The following INTS7 variants were observed in gnomAD, a reference collection of about 807,000 sequenced individuals.
The protein encoded by INTS7 is integrator complex subunit 7, also known as chromosome 1 open reading frame 73.
A neutral mutation model predicts 109.2 loss-of-function variants in INTS7; 46 were observed. The observed-to-expected ratio is 0.42, with a 90% confidence interval of 0.33 to 0.54. INTS7 has a LOEUF of 0.54. Among genes scored for constraint, INTS7 ranks in the 20% least tolerant of loss-of-function variants. The pLI is 0.07. For synonymous variants in INTS7, 412 were observed against 402.9 expected, an observed-to-expected ratio of 1.02 and a Z score of -0.27; for missense variants, 929 against 1,132.4, an observed-to-expected ratio of 0.82 and a Z score of 2.58.
intron 8 of INTS7, among the ~76,000 whole-genome samples, chr1:211,984,455 ATC>A (rs963155468): frequency 7.7e-4 from 117 of 152,242 alleles, no homozygotes; most frequent in African/African-American, 2.7e-3. Flanking sequence ...TTTCTTTTAA[ATC>A]TTTTTCCCCC....
intron 3 of INTS7, among the ~76,000 whole-genome samples, chr1:212,017,849 A>G (rs1051991814): frequency 4.6e-5 from 7 of 152,348 alleles, no homozygotes; most frequent in African/African-American, 1.4e-4. Context: ...ACTGTTAAAA[A>G]TAAGTAATAC....
intron 1 of INTS7, among the ~76,000 whole-genome samples, chr1:212,029,769 C>T (rs1481067814): frequency 6.6e-6 from 1 of 152,100 alleles, no homozygotes; most frequent in East Asian, 1.9e-4. Context: ...AAAATTGAAC[C>T]ATAACACGAA....
chr1:211,952,657 T>A lies in INTS7; in HGVS notation c.2228A>T (p.Glu743Val). 2 of 1,612,996 alleles carry A rather than the reference T, an allele frequency of 1.2e-6. No individual in the cohort carries two copies. Among genetic ancestry groups the A allele is most frequent in the South Asian group, 2.2e-5 (2 of 91,044 alleles). ...GSTGTAHADS[E>V]YERRMMSVYN... ...TACAGACATCATTCTTCTTTCATAT[T>A]CACTATCAGCATGGGCTGTTCCAGT... The change falls in exon 17 of 20, where the codon GAA (glutamate) becomes GTA (valine). Residue 743 changes from glutamate (E) to valine (V), a missense_variant. By Grantham distance (121) the Glu-to-Val change is moderately radical. Around this residue, in one of 2 missense-constraint regions of INTS7, gnomAD observed 787 missense variants for 901.1 expected, o/e 0.87. Transcript: ENST00000366994.
chr1:212,008,167 G>A (rs557404650), intron 5 of INTS7, among the ~76,000 whole-genome samples: 12 of 152,240 alleles, frequency 7.9e-5, no homozygotes, highest in African/African-American at 1.4e-4. Context: ...GCATTTCAAC[G>A]TCCAACAGTT....
intron 1 of INTS7, among the ~76,000 whole-genome samples, chr1:212,024,450 T>C (rs1666835045): frequency 6.6e-6 from 1 of 152,216 alleles, no homozygotes; most frequent in South Asian, 2.1e-4. Context: ...AGGCATTTTA[T>C]TTTTTGTTTG....
intron 1 of INTS7, among the ~76,000 whole-genome samples, chr1:212,024,265 A>T (rs1032602210): frequency 6.6e-6 from 1 of 151,634 alleles, no homozygotes; most frequent in Non-Finnish European, 1.5e-5. Flanking sequence ...TGATAGTTTG[A>T]TAGTAATAGC....
chr1:212,032,495 TC>T (rs1667213538), intron 1 of INTS7, among the ~76,000 whole-genome samples: 1 of 151,918 alleles, frequency 6.6e-6, no homozygotes, highest in African/African-American at 2.4e-5. Flanking sequence ...TTTTTTTTTT[TC>T]GAGACAGTCT....
chr1:211,958,991 G>A (rs925960851), intron 16 of INTS7, among the ~76,000 whole-genome samples: 5 of 152,182 alleles, frequency 3.3e-5, no homozygotes, highest in Non-Finnish European at 7.3e-5. Context: ...AGGGACCCCT[G>A]CATGGGGATA....
rs1035995320 is a variant in INTS7, at chr1:212,002,620, C to A, written c.879+4019G>T. On this transcript the variant is annotated intron_variant, in intron 7 of 19. Coordinates refer to ENST00000366994, the MANE Select transcript of INTS7 (RefSeq NM_015434.4). ...CCTGATAATACCCTTCCTTTAGGGG[C>A]CCACAAAATTGACATTCCCTTCTTT... 9.9e-5 allele frequency among the ~76,000 whole-genome samples: 15 copies of A among 152,194 alleles called. No homozygotes were observed. In the East Asian group the frequency reaches 1.2e-3, roughly 12 times the overall value.
At chr1:212,020,975 G>T (rs938713584) in intron 2 of INTS7, 108 bp downstream of exon 2, 6 of 1,006,738 alleles carry the variant, frequency 6.0e-6, no homozygotes, top group Middle Eastern at 5.3e-4. Flanking sequence ...TCCACTAATG[G>T]TAACTAACCA....
In INTS7 at chr1:211,959,029, T is replaced by A. The variant is rs1663491272; in HGVS notation, c.2184-6328A>T. Among the ~76,000 whole-genome samples, 1 of 152,102 alleles carries A rather than the reference T, an allele frequency of 6.6e-6. No homozygotes were observed. Among genetic ancestry groups the A allele is most frequent in the Non-Finnish European group, 1.5e-5 (1 of 67,996 alleles). On this transcript the variant is annotated intron_variant, in intron 16 of 19. Transcript: ENST00000366994. The surrounding 1 kb of genome is among the most constrained non-coding windows in gnomAD (Gnocchi z 4.2). ...GCACCGGGGGAACAGTGACTTGAAC[T>A]GGCAAAAAAACAACCAGCTACTGCC...
At chr1:211,988,163 T>C (rs554957002) in intron 7 of INTS7, among the ~76,000 whole-genome samples, 160 bp from the exon 8 acceptor site, 13 of 152,234 alleles carry the variant, frequency 8.5e-5, no homozygotes, top group Middle Eastern at 6.8e-3. Context: ...TGGCTCATTC[T>C]GGTAATCCCA....
At position 211,946,617 on chromosome 1, in the gene INTS7, G is replaced by T. The variant is rs776094808; in HGVS notation, c.2405C>A (p.Thr802Asn). 1.3e-6 allele frequency: 2 copies of T among 1,597,760 alleles called. No homozygotes were observed. Among genetic ancestry groups the T allele is most frequent in the South Asian group, 2.2e-5 (2 of 90,650 alleles). The change falls in exon 18 of 20, where the codon ACC (threonine) becomes AAC (asparagine). Residue 802 changes from threonine (T) to asparagine (N), a missense_variant. Physicochemically the swap from Thr to Asn is moderately conservative, Grantham distance 65. Transcript: ENST00000366994. The surrounding 1 kb of genome is among the most constrained non-coding windows in gnomAD (Gnocchi z 4.3). ...TTCTTCCTGTATTACCTTGATGCTG[G>T]TAGACTGTAGTTTCTGGAAAAAATA... ...QRYFFQKLQS[T>N]SIKLALSPSP...
intron 7 of INTS7, among the ~76,000 whole-genome samples, chr1:211,997,094 G>T (rs1665431505): frequency 6.6e-6 from 1 of 152,022 alleles, no homozygotes; most frequent in Non-Finnish European, 1.5e-5. Context: ...TGGGTACAGT[G>T]TATAGTGCTT....
At position 212,006,657 on chromosome 1, in the gene INTS7, C is replaced by T. The variant is rs1254712815; in HGVS notation, c.861G>A (p.Trp287Ter). ...TACATACCTGAATATTCTCCCTACTCCAAGTATGTGGTGTTTTATTAGCAA... is the reference window on the plus strand; with the variant it reads ...TACATACCTGAATATTCTCCCTACTTCAAGTATGTGGTGTTTTATTAGCAA... The part of the protein sequence containing the change: ...KLLANKTPHT[W>*]SRENIQALCE... The change falls in exon 7 of 20, where the codon TGG becomes TGA. Residue 287 changes from tryptophan to a stop codon, truncating the protein, a stop_gained. Coordinates refer to ENST00000366994, the MANE Select transcript of INTS7 (RefSeq NM_015434.4). LOFTEE classifies it high-confidence loss of function. 6.4e-7 allele frequency: 1 copy of T among 1,558,244 alleles called. No homozygotes were observed. The highest frequency in any genetic ancestry group is 1.7e-5 in the Admixed American group (1 of 59,102).
At chr1:211,952,244 G>C (rs145507877) in intron 17 of INTS7, among the ~76,000 whole-genome samples, 12 of 152,250 alleles carry the variant, frequency 7.9e-5, no homozygotes, top group African/African-American at 2.9e-4. Flanking sequence ...AGCCCTCAAA[G>C]TGATTCTAAT....
intron 13 of INTS7, among the ~76,000 whole-genome samples, chr1:211,972,731 T>C (rs1216738568): frequency 6.6e-6 from 1 of 152,180 alleles, no homozygotes; most frequent in African/African-American, 2.4e-5. Flanking sequence ...ATCTAATCAG[T>C]TGAGGCCATT....
At chr1:211,967,512 G>A (rs1019726122) in intron 15 of INTS7, among the ~76,000 whole-genome samples, 5 of 150,370 alleles carry the variant, frequency 3.3e-5, no homozygotes, top group Non-Finnish European at 5.9e-5. Context: ...TAATAAAGGT[G>A]ATAAAAACTA....
chr1:211,982,801 C>T lies in INTS7; in HGVS notation c.1007G>A (p.Ser336Asn), dbSNP rs1183847754. Residue 336 changes from serine to asparagine, a missense_variant, in exon 9 of 20, where the codon AGT (serine) becomes AAT (asparagine). Around this residue, in one of 2 missense-constraint regions of INTS7, gnomAD observed 787 missense variants for 901.1 expected, o/e 0.87. Coordinates refer to ENST00000366994, the MANE Select transcript of INTS7 (RefSeq NM_015434.4). Reference protein sequence around the residue: ...HYFSIVPGNVSSSPRSSDLVK... With the variant: ...HYFSIVPGNVNSSPRSSDLVK... ...TAAATCAGAAGATCTGGGAGAAGAA[C>T]TCACATTTCCTAAAAAAGCAGAGAA... is the stretch of plus-strand genomic sequence containing the variant. The T allele has an allele frequency of 1.2e-6, 2 of 1,601,706 alleles. No individual in the cohort carries two copies. The highest frequency in any genetic ancestry group is 1.7e-6 in the Non-Finnish European group (2 of 1,174,080).
Sources: gnomAD v4.1 joint callset for allele counts (sites outside exome capture counted in the v4.1 genomes callset) on GRCh38, gnomAD v4.1.1 for gene constraint, gnomAD v4.1.1 regional missense constraint, Gnocchi (gnomAD v3.1) non-coding constraint, MANE v1.5 for transcripts, NCBI Gene and HGNC (gene_info 2026-07-23, HGNC 2026-07-21) for gene names.